Variants in CNGB3 observed in about 807,000 individuals in gnomAD.
CNGB3 encodes cyclic nucleotide gated channel subunit beta 3.
CNGB3 carries 86 observed loss-of-function variants against 92.8 expected under a neutral mutation model. That is an observed-to-expected ratio of 0.93 (90% confidence interval 0.78 to 1.11). The LOEUF is 1.11. Among genes scored for constraint, CNGB3 ranks in the 50% least tolerant of loss-of-function variants. The pLI is 0.00. For synonymous variants in CNGB3, 333 were observed against 332.7 expected (o/e 1.00, Z -0.01); for missense variants, 1,026 against 956.8 (o/e 1.07, Z -0.95).
intron 3 of CNGB3, among the ~76,000 whole-genome samples, chr8:86,710,510 C>G (rs1423227813): frequency 6.6e-6 from 1 of 152,148 alleles, no homozygotes; most frequent in Admixed American, 6.5e-5. Context: ...CATTTATTCT[C>G]TCACCATGGG....
At chr8:86,635,012 T>G (rs28396370) in intron 10 of CNGB3, among the ~76,000 whole-genome samples, 48,624 of 151,074 alleles carry the variant, frequency 0.32, 9,172 homozygotes, top group Middle Eastern at 0.49. Flanking sequence ...GAAAAAATAA[T>G]GAACTCTTTG....
chr8:86,700,676 A>T lies in CNGB3; in HGVS notation c.338+25855T>A, dbSNP rs374494055. ...TTTTTTGAGACAGAGTCTTGCTCTG[A>T]CACCCAGGCTGGAGTGCAGTGGCAT... On this transcript the variant is annotated intron_variant, in intron 3 of 17. Coordinates refer to ENST00000320005, the MANE Select transcript of CNGB3 (RefSeq NM_019098.5). Among the ~76,000 whole-genome samples, 93 of 152,220 alleles carry T rather than the reference A, an allele frequency of 6.1e-4. 1 individual carries two copies. The South Asian group carries it at 8.7e-3, about 14-fold the overall frequency.
In CNGB3 at chr8:86,666,929, A is replaced by G; in HGVS notation, c.848T>C (p.Ile283Thr). Reference protein sequence around the residue: ...PRLQFVRGGDIIVDSNELRKH... With the variant: ...PRLQFVRGGDTIVDSNELRKH... ...CCTTTCCCGAACCCCACTTACTATT[A>G]TGTCTCCTCCTCTTACAAACTGGAG... The change falls in exon 6 of 18, where the codon ATA (isoleucine) becomes ACA (threonine). Residue 283 changes from isoleucine (I) to threonine (T), a missense_variant. Transcript: ENST00000320005. 1 of 1,611,556 alleles carries G rather than the reference A, an allele frequency of 6.2e-7. No individual in the cohort carries two copies.
At chr8:86,611,873 C>T (rs1822529328) in intron 13 of CNGB3, among the ~76,000 whole-genome samples, 1 of 152,016 alleles carries the variant, frequency 6.6e-6, no homozygotes, top group Non-Finnish European at 1.5e-5. Flanking sequence ...TTAGATCTTG[C>T]TCAGATAGAC....
At chr8:86,646,939 A>G (rs1356107012) in intron 8 of CNGB3, among the ~76,000 whole-genome samples, 1 of 150,990 alleles carries the variant, frequency 6.6e-6, no homozygotes, top group African/African-American at 2.4e-5. Flanking sequence ...TCTCACTCTT[A>G]CTCTTGCCCC....
intron 3 of CNGB3, among the ~76,000 whole-genome samples, chr8:86,675,389 A>G (rs1001186865): frequency 1.3e-5 from 2 of 151,528 alleles, no homozygotes; most frequent in African/African-American, 4.9e-5. Flanking sequence ...ACAAATTTTG[A>G]TAAACATAGG....
intron 11 of CNGB3, among the ~76,000 whole-genome samples, chr8:86,630,703 A>G (rs902613287): frequency 6.6e-6 from 1 of 152,066 alleles, no homozygotes; most frequent in Non-Finnish European, 1.5e-5. Context: ...CTGTTTCTAC[A>G]AAAAATAAAT....
chr8:86,667,744 A>C (rs1458377765), intron 5 of CNGB3, among the ~76,000 whole-genome samples: 3 of 152,184 alleles, frequency 2.0e-5, no homozygotes, highest in Non-Finnish European at 4.4e-5. Flanking sequence ...GTGTCAGTGC[A>C]CATATTGCGG....
chr8:86,724,251 A>G (rs1310787458), intron 3 of CNGB3, among the ~76,000 whole-genome samples: 2 of 152,182 alleles, frequency 1.3e-5, no homozygotes, highest in Admixed American at 1.3e-4. Flanking sequence ...ATGAAAAGCC[A>G]TGTTAGAAGA....
chr8:86,702,030 C>T (rs1824567472), intron 3 of CNGB3, among the ~76,000 whole-genome samples: 1 of 152,068 alleles, frequency 6.6e-6, no homozygotes, highest in African/African-American at 2.4e-5. Context: ...ATATGGACAG[C>T]CCTGTATTCT....
Position 86,726,677 on chromosome 8 carries a change from A to G in CNGB3, c.212-20T>C, listed in dbSNP as rs750414974. The G allele has an allele frequency of 3.2e-5, 52 of 1,612,852 alleles. No homozygotes were observed. Among genetic ancestry groups the G allele is most frequent in the Non-Finnish European group, 4.2e-5 (50 of 1,179,282 alleles). On this transcript the variant is annotated intron_variant, in intron 2 of 17. Coordinates refer to ENST00000320005, the MANE Select transcript of CNGB3 (RefSeq NM_019098.5). The stretch of plus-strand genomic sequence containing the variant: ...GTTTGTCTATGAAAAAAAAATTCAC[A>G]TAGATAGAAGAATGTACAACACTCT...
intron 3 of CNGB3, among the ~76,000 whole-genome samples, chr8:86,686,762 T>G (rs572755237): frequency 6.6e-6 from 1 of 152,098 alleles, no homozygotes; most frequent in East Asian, 1.9e-4. Flanking sequence ...GCTTTAAGTG[T>G]GACTATGGTG....
At chr8:86,635,895 G>GATA (rs1823063132) in intron 10 of CNGB3, among the ~76,000 whole-genome samples, 1 of 126,640 alleles carries the variant, frequency 7.9e-6, no homozygotes, top group Admixed American at 8.9e-5. Context: ...CATACTTAAA[G>GATA]CAGTAAGGCA....
chr8:86,616,332 C>G (rs1269670743), intron 13 of CNGB3, among the ~76,000 whole-genome samples: 1 of 152,148 alleles, frequency 6.6e-6, no homozygotes, highest in Non-Finnish European at 1.5e-5. Context: ...AAAGATGCCA[C>G]TAGCTTTGGG....
At chr8:86,609,022 TG>T (rs2131563470) in intron 14 of CNGB3, among the ~76,000 whole-genome samples, 1 of 152,326 alleles carries the variant, frequency 6.6e-6, no homozygotes, top group Non-Finnish European at 1.5e-5. Flanking sequence ...ACCGACCCTG[TG>T]GGGCTGGTCC....
At chr8:86,695,375 C>G (rs541097949) in intron 3 of CNGB3, among the ~76,000 whole-genome samples, 3 of 149,680 alleles carry the variant, frequency 2.0e-5, no homozygotes, top group Admixed American at 1.3e-4. Flanking sequence ...TTATTTTTTT[C>G]TTTGTCAGAT....
intron 6 of CNGB3, chr8:86,657,854 C>G: frequency 1.9e-6 from 1 of 533,170 alleles, no homozygotes; most frequent in South Asian, 1.4e-5. Context: ...AGCTCTGGTA[C>G]AGTGTGATGT....
At chr8:86,636,100 G>C (rs879357773) in intron 10 of CNGB3, among the ~76,000 whole-genome samples, 3 of 151,598 alleles carry the variant, frequency 2.0e-5, no homozygotes, top group Non-Finnish European at 4.4e-5. Flanking sequence ...TACTATGCTT[G>C]CTTCGTCACA....
chr8:86,586,317 A>G (rs1010204389), intron 15 of CNGB3, among the ~76,000 whole-genome samples: 2 of 134,014 alleles, frequency 1.5e-5, no homozygotes, highest in African/African-American at 5.2e-5. Flanking sequence ...AGTAACATTA[A>G]TAGATAATAT....
Sources: allele counts gnomAD v4.1 joint callset (sites outside exome capture counted in the v4.1 genomes callset), GRCh38; gene constraint gnomAD v4.1.1; transcripts MANE v1.5; gene names NCBI Gene and HGNC (gene_info 2026-07-23, HGNC 2026-07-21).